The following ALX4 variants were observed in gnomAD, a reference collection of about 807,000 sequenced individuals.
ALX4 encodes ALX homeobox 4, also known as homeobox protein aristaless-like 4.
In ALX4, 22 loss-of-function variants were observed where a neutral mutation model predicts 40.6. The ratio of observed to expected loss-of-function variants is 0.54; its 90% CI spans 0.39 to 0.77. The LOEUF (loss-of-function observed/expected upper bound fraction) is 0.77. ALX4 is among the 30% of genes least tolerant of loss of function. The pLI is 0.00. For missense variants in ALX4, 556 were observed against 564.8 expected, an observed-to-expected ratio of 0.98 and a Z score of 0.16; for synonymous variants, 266 against 240.5, an observed-to-expected ratio of 1.11 and a Z score of -0.98.
At chr11:44,284,775 GCTAA>G (rs1162672949) in intron 1 of ALX4, among the ~76,000 whole-genome samples, 1 of 151,776 alleles carries the variant, frequency 6.6e-6, no homozygotes, top group Non-Finnish European at 1.5e-5. Context: ...CCTGTCTGTG[GCTAA>G]CTACTACTTT....
intron 1 of ALX4, among the ~76,000 whole-genome samples, chr11:44,292,853 T>A (rs570341539): frequency 1.2e-3 from 181 of 152,122 alleles, no homozygotes; most frequent in African/African-American, 4.0e-3. Context: ...CCCAGCACTT[T>A]GGGAAGCCAA....
chr11:44,296,084 G>A (rs1387588182), intron 1 of ALX4, among the ~76,000 whole-genome samples: 1 of 152,224 alleles, frequency 6.6e-6, no homozygotes, highest in Non-Finnish European at 1.5e-5. Context: ...TGCAATCCTG[G>A]ACTTCACATC....
At position 44,277,232 on chromosome 11, in the gene ALX4, C is replaced by T. The variant is rs1030507181; in HGVS notation, c.467-1574G>A. On this transcript the variant is annotated intron_variant, in intron 1 of 3. Transcript: ENST00000652299. ...TAGTCTGGACTTGCAAACCCACAGA[C>T]CCTGTGAACATTAGAGGACTCCGAC... Among the ~76,000 whole-genome samples the T allele has an allele frequency of 3.3e-5, 5 of 152,200 alleles. No individual in the cohort carries two copies. The South Asian group carries it at 1.0e-3, about 32-fold the overall frequency.
At chr11:44,285,004 G>A (rs773359878) in intron 1 of ALX4, among the ~76,000 whole-genome samples, 2 of 151,286 alleles carry the variant, frequency 1.3e-5, no homozygotes, top group Admixed American at 6.6e-5. Context: ...CGCTGTTGTC[G>A]CCCAGGCTGG....
intron 1 of ALX4, among the ~76,000 whole-genome samples, chr11:44,290,348 C>T (rs1001235500): frequency 1.3e-5 from 2 of 152,262 alleles, no homozygotes; most frequent in Admixed American, 6.5e-5. Context: ...GGCTTGGCCC[C>T]TGGCTCTGCC....
intron 1 of ALX4, among the ~76,000 whole-genome samples, chr11:44,300,454 T>C (rs926095197): frequency 4.6e-5 from 7 of 152,142 alleles, no homozygotes; most frequent in Non-Finnish European, 7.4e-5. Context: ...TGTGGCCACA[T>C]AGAGACATCG....
Position 44,264,573 on chromosome 11 carries a change from T to G in ALX4, c.*281A>C. ...GCAAGAAAGCGCTTTCAGCTTATCA[T>G]GGATGCGAAGCTGAAAAACGTGGCC... On this transcript the variant is annotated 3_prime_UTR_variant, in exon 4 of 4. Transcript: ENST00000652299. 1 of 547,056 alleles carries G rather than the reference T, an allele frequency of 1.8e-6. No individual in the cohort carries two copies. Among genetic ancestry groups the G allele is most frequent in the Non-Finnish European group, 3.3e-6 (1 of 305,032 alleles). 33.9% of individuals were successfully genotyped at this position (547,056 alleles called of 1,614,324 possible). A position where few individuals can be genotyped will look rare whatever the true frequency, so the allele number is the denominator to read the frequency against.
At chr11:44,285,510 T>G (rs117216876) in intron 1 of ALX4, among the ~76,000 whole-genome samples, 6 of 152,276 alleles carry the variant, frequency 3.9e-5, no homozygotes, top group Non-Finnish European at 8.8e-5. Context: ...AATATGAAGT[T>G]CAATTATCCA....
At chr11:44,297,028 A>G (rs1956406669) in intron 1 of ALX4, among the ~76,000 whole-genome samples, 1 of 149,454 alleles carries the variant, frequency 6.7e-6, no homozygotes. Context: ...AAAAAAAAAA[A>G]AAAGGTACCT....
At position 44,266,033 on chromosome 11, in the gene ALX4, C is replaced by T. The variant is rs1956211670; in HGVS notation, c.907-850G>A. ...GGGATTCCTGGTAACCTCATGTGGG[C>T]TTCTGCTGGCCTGCCCTCCTGCATG... On this transcript the variant is annotated intron_variant, in intron 3 of 3. Transcript: ENST00000652299. Among the ~76,000 whole-genome samples the T allele has an allele frequency of 2.0e-5, 3 of 152,302 alleles. No homozygotes were observed. The South Asian group carries it at 6.2e-4, about 32-fold the overall frequency.
At chr11:44,270,519 C>T (rs948671340) in intron 2 of ALX4, among the ~76,000 whole-genome samples, 1 of 152,090 alleles carries the variant, frequency 6.6e-6, no homozygotes, top group African/African-American at 2.4e-5. Flanking sequence ...AAATTGGAGG[C>T]AGCAAGGGTA....
At chr11:44,307,782 C>G (rs1052712366) in intron 1 of ALX4, among the ~76,000 whole-genome samples, 2 of 152,074 alleles carry the variant, frequency 1.3e-5, no homozygotes, top group Non-Finnish European at 2.9e-5. Context: ...GGAAAGAGTG[C>G]CTGTATGAGA....
Position 44,280,965 on chromosome 11 carries a change from G to T in ALX4, c.467-5307C>A, listed in dbSNP as rs1956306774. ...GCTGTTGGATTTCAGCTGGAGAAATGCATGAAGTGGAAAGCCTTGCTTCGT... is the reference window on the plus strand; with the variant it reads ...GCTGTTGGATTTCAGCTGGAGAAATTCATGAAGTGGAAAGCCTTGCTTCGT... On this transcript the variant is annotated intron_variant, in intron 1 of 3. Coordinates refer to ENST00000652299, the MANE Select transcript of ALX4 (RefSeq NM_021926.4). Among the ~76,000 whole-genome samples, 3 of 152,222 alleles carry T rather than the reference G, an allele frequency of 2.0e-5. No homozygotes were observed. The South Asian group carries it at 6.2e-4, about 31-fold the overall frequency.
chr11:44,301,956 A>AGGGCCCCAGGATGACGCGG (rs1353971782), intron 1 of ALX4, among the ~76,000 whole-genome samples: 1 of 152,098 alleles, frequency 6.6e-6, no homozygotes, highest in Non-Finnish European at 1.5e-5. Flanking sequence ...ACCATGTTCG[A>AGGGCCCCAGGATGACGCGG]GGGCCCCAGG....
At chr11:44,301,144 C>T (rs913339033) in intron 1 of ALX4, among the ~76,000 whole-genome samples, 8 of 152,210 alleles carry the variant, frequency 5.3e-5, no homozygotes, top group African/African-American at 9.6e-5. Flanking sequence ...GTGAGCCTTG[C>T]GTAAATGGAA....
Position 44,310,119 on chromosome 11 carries a change from G to A in ALX4, c.-57C>T, listed in dbSNP as rs1410923395. On this transcript the variant is annotated 5_prime_UTR_variant, in exon 1 of 4. Transcript: ENST00000652299. Reference sequence around the variant, plus strand: ...CGAGCGAGGGCGCGAGGACGCCACCGCGCGCCTTGGCTGGGAGTTTGGGGA... The same window carrying A: ...CGAGCGAGGGCGCGAGGACGCCACCACGCGCCTTGGCTGGGAGTTTGGGGA... 2 of 1,518,054 alleles carry A rather than the reference G, an allele frequency of 1.3e-6. No homozygotes were observed. The highest frequency in any genetic ancestry group is 1.8e-6 in the Non-Finnish European group (2 of 1,130,014). 94.0% of individuals were successfully genotyped at this position (1,518,054 alleles called of 1,614,324 possible). A position where few individuals can be genotyped will look rare whatever the true frequency, so the allele number is the denominator to read the frequency against.
At chr11:44,304,742 GAGA>G (rs1175073583) in intron 1 of ALX4, among the ~76,000 whole-genome samples, 3 of 152,248 alleles carry the variant, frequency 2.0e-5, no homozygotes, top group Admixed American at 6.5e-5. Context: ...CGCTGAGACC[GAGA>G]AGAAGGGACG....
chr11:44,291,054 C>T (rs1320151709), intron 1 of ALX4, among the ~76,000 whole-genome samples: 1 of 152,174 alleles, frequency 6.6e-6, no homozygotes, highest in African/African-American at 2.4e-5. Context: ...TTCAGGTTTC[C>T]CGAGCGGCAG....
intron 1 of ALX4, among the ~76,000 whole-genome samples, chr11:44,292,679 G>GT (rs1265980454): frequency 6.6e-6 from 1 of 152,182 alleles, no homozygotes; most frequent in Admixed American, 6.5e-5. Flanking sequence ...TTTGGTTGGT[G>GT]TTTTTGTATA....
Sources: gnomAD v4.1 joint callset for allele counts (sites outside exome capture counted in the v4.1 genomes callset) on GRCh38, gnomAD v4.1.1 for gene constraint, MANE v1.5 for transcripts, NCBI Gene and HGNC (gene_info 2026-07-23, HGNC 2026-07-21) for gene names.